Variants in ENTREP2 observed in about 807,000 individuals in gnomAD.
ENTREP2 encodes protein ENTREP2.
At chr15:29,285,172 A>G in the ENTREP2 span, among the ~76,000 whole-genome samples, 33 of 152,238 alleles carry the variant, frequency 2.2e-4, no homozygotes, top group Non-Finnish European at 3.5e-4. Context: ...GGGCTCTTTA[A>G]GCTGTGGTTT....
At chr15:29,233,772 G>A in the ENTREP2 span, 30 of 1,538,390 alleles carry the variant, frequency 2.0e-5, no homozygotes, top group Middle Eastern at 3.4e-4. Context: ...GTCTGATGAT[G>A]TGTGTGGTGT....
chr15:29,356,239 A>G, the ENTREP2 span, among the ~76,000 whole-genome samples: 1 of 143,074 alleles, frequency 7.0e-6, no homozygotes, highest in African/African-American at 2.6e-5. Context: ...AGTGAAGAAG[A>G]TATGAAATGT....
At chr15:29,651,965 G>A in the ENTREP2 span, among the ~76,000 whole-genome samples, 5 of 152,210 alleles carry the variant, frequency 3.3e-5, no homozygotes, top group Non-Finnish European at 7.3e-5. Context: ...GAAGCCTGGG[G>A]GCCAGGCCGC....
At chr15:29,142,194 T>C in the ENTREP2 span, among the ~76,000 whole-genome samples, 1 of 152,058 alleles carries the variant, frequency 6.6e-6, no homozygotes, top group Non-Finnish European at 1.5e-5. Context: ...AATCTGAAAA[T>C]CATTGATGGT....
chr15:29,369,592 A>AAC, the ENTREP2 span, among the ~76,000 whole-genome samples: 1,342 of 149,452 alleles, frequency 9.0e-3, 7 homozygotes, highest in Admixed American at 0.015. Flanking sequence ...GCTGAAATTA[A>AAC]ACACACACAC....
At chr15:29,373,637 A>ATTT in the ENTREP2 span, 1 of 151,480 alleles carries the variant, frequency 6.6e-6, no homozygotes, top group Non-Finnish European at 1.5e-5. Context: ...TTTTATTTTT[A>ATTT]TTTTTATTGT....
the ENTREP2 span, chr15:29,374,753 AT>A: frequency 3.3e-5 from 5 of 151,868 alleles, no homozygotes; most frequent in Admixed American, 2.0e-4. Flanking sequence ...TTTTTTCCAT[AT>A]TTTTGTTGAA....
chr15:29,382,947 G>A, the ENTREP2 span, among the ~76,000 whole-genome samples: 4 of 152,218 alleles, frequency 2.6e-5, no homozygotes, highest in Admixed American at 6.5e-5. Context: ...CCCATCACCC[G>A]GCTGAGGGCT....
chr15:29,277,867 G>A, the ENTREP2 span, among the ~76,000 whole-genome samples: 1 of 152,168 alleles, frequency 6.6e-6, no homozygotes. Context: ...ACAGAGGTAT[G>A]TCCACAAAGA....
the ENTREP2 span, among the ~76,000 whole-genome samples, chr15:29,202,568 G>A: frequency 3.9e-5 from 6 of 152,130 alleles, no homozygotes; most frequent in South Asian, 2.1e-4. Flanking sequence ...TGCTGCACCC[G>A]TCAACCCATC....
At chr15:29,425,198 T>TG in the ENTREP2 span, among the ~76,000 whole-genome samples, 15,383 of 112,166 alleles carry the variant, frequency 0.14, 1,004 homozygotes, top group East Asian at 0.4. Context: ...CCAGGTTTTT[T>TG]GTTTTTTTTT....
the ENTREP2 span, among the ~76,000 whole-genome samples, chr15:29,486,158 A>G: frequency 8.2e-6 from 1 of 122,038 alleles, no homozygotes; most frequent in Non-Finnish European, 1.7e-5. Context: ...AAATTGATAC[A>G]TTGTTAAAGA....
the ENTREP2 span, among the ~76,000 whole-genome samples, chr15:29,146,122 T>C: frequency 6.6e-6 from 1 of 152,126 alleles, no homozygotes; most frequent in Non-Finnish European, 1.5e-5. Flanking sequence ...ACTTGCACAC[T>C]GAAAACCGTG....
chr15:29,298,350 C>A, the ENTREP2 span, among the ~76,000 whole-genome samples: 1 of 151,488 alleles, frequency 6.6e-6, no homozygotes, highest in Non-Finnish European at 1.5e-5. Flanking sequence ...CAAATTAAAT[C>A]TTCAGAAAAG....
chr15:29,552,217 A>G, the ENTREP2 span, among the ~76,000 whole-genome samples: 1 of 152,220 alleles, frequency 6.6e-6, no homozygotes, highest in Non-Finnish European at 1.5e-5. Flanking sequence ...GTAGCCAACA[A>G]CAAAACAAAA....
chr15:29,555,335 G>C, the ENTREP2 span, among the ~76,000 whole-genome samples: 1 of 152,194 alleles, frequency 6.6e-6, no homozygotes, highest in Non-Finnish European at 1.5e-5. Context: ...CCATGAGTCA[G>C]TGTTTGACAG....
chr15:29,573,642 CCCCCCTCTCTCTCT>C, the ENTREP2 span, among the ~76,000 whole-genome samples: 3 of 132,582 alleles, frequency 2.3e-5, no homozygotes, highest in Admixed American at 7.9e-5. Context: ...TCTCTCTCTC[CCCCCCTCTCTCTCT>C]CCCTCTCTCT....
the ENTREP2 span, among the ~76,000 whole-genome samples, chr15:29,283,299 T>C: frequency 6.6e-6 from 1 of 152,216 alleles, no homozygotes; most frequent in South Asian, 2.1e-4. Flanking sequence ...CAGTGTAGTT[T>C]GCCAGTGCAA....
the ENTREP2 span, among the ~76,000 whole-genome samples, chr15:29,473,276 A>G: frequency 6.6e-6 from 1 of 151,948 alleles, no homozygotes. Flanking sequence ...AACCCGGGTA[A>G]CCTGTCCCTG....
Sources: allele counts gnomAD v4.1 joint callset (sites outside exome capture counted in the v4.1 genomes callset), GRCh38; gene constraint gnomAD v4.1.1; transcripts MANE v1.5; gene names NCBI Gene and HGNC (gene_info 2026-07-23, HGNC 2026-07-21).